The following KCNB2 variants were observed in gnomAD, a reference collection of about 807,000 sequenced individuals.
KCNB2 encodes the protein potassium voltage-gated channel subfamily B member 2, also known as delayed rectifier potassium channel protein.
KCNB2 carries 15 observed loss-of-function variants against 61.5 expected under a neutral mutation model. That is an observed-to-expected ratio of 0.24 (90% CI 0.16 to 0.38). KCNB2 has a LOEUF of 0.38. Ranked by LOEUF, KCNB2 falls within the 10% of genes least tolerant of loss-of-function variation. KCNB2 has a pLI of 1.00. For synonymous variants in KCNB2, 457 were observed against 446.0 expected, an observed-to-expected ratio of 1.02 and a Z score of -0.31; for missense variants, 828 against 1,125.2, an observed-to-expected ratio of 0.74 and a Z score of 3.78.
intron 2 of KCNB2, among the ~76,000 whole-genome samples, chr8:72,823,941 A>G (rs934157176): frequency 2.0e-5 from 3 of 152,172 alleles, no homozygotes; most frequent in Non-Finnish European, 4.4e-5. Flanking sequence ...TGGGAGCCCC[A>G]TCTTGTAGCT....
intron 2 of KCNB2, among the ~76,000 whole-genome samples, chr8:72,572,018 T>C (rs934937345): frequency 5.9e-5 from 9 of 152,176 alleles, no homozygotes; most frequent in Non-Finnish European, 1.3e-4. Context: ...AAAAGCATAT[T>C]TGAGAAATGG....
chr8:72,823,599 C>G (rs1451763010), intron 2 of KCNB2, among the ~76,000 whole-genome samples: 1 of 152,178 alleles, frequency 6.6e-6, no homozygotes, highest in Non-Finnish European at 1.5e-5. Flanking sequence ...GTTGTTGAAA[C>G]TAAATTCTCA....
In KCNB2 at chr8:72,646,894, AT is replaced by A. The variant is rs888723082; in HGVS notation, c.579+78589del. ...TGAGAATACGTGTTTATGAGAAAGC[AT>A]TTTTTTTGTGCTGAAATCCTCTAAG... On this transcript the variant is annotated intron_variant, in intron 2 of 2. Transcript: ENST00000523207. Among the ~76,000 whole-genome samples, 117 of 152,108 alleles carry A rather than the reference AT, an allele frequency of 7.7e-4. 1 individual carries two copies. Among genetic ancestry groups the A allele is most frequent in the African/African-American group, 2.7e-3 (113 of 41,470 alleles).
chr8:72,888,191 C>T (rs1805837513), intron 2 of KCNB2, among the ~76,000 whole-genome samples: 1 of 152,156 alleles, frequency 6.6e-6, no homozygotes, highest in Admixed American at 6.5e-5. Flanking sequence ...AAGCCTCGAC[C>T]TCCTGGCCTC....
At chr8:72,814,954 T>A (rs1413062382) in intron 2 of KCNB2, among the ~76,000 whole-genome samples, 1 of 152,138 alleles carries the variant, frequency 6.6e-6, no homozygotes, top group African/African-American at 2.4e-5. Flanking sequence ...AATACAGTTA[T>A]TAAAGAGAAA....
At chr8:72,558,600 A>T (rs562568548) in intron 1 of KCNB2, among the ~76,000 whole-genome samples, 68 of 152,318 alleles carry the variant, frequency 4.5e-4, no homozygotes, top group African/African-American at 1.4e-3. Flanking sequence ...AATTTTAAAT[A>T]AATAAGGAAG....
chr8:72,732,765 A>C (rs1018588980), intron 2 of KCNB2, among the ~76,000 whole-genome samples: 2 of 152,184 alleles, frequency 1.3e-5, no homozygotes, highest in African/African-American at 4.8e-5. Context: ...ATTAAAAATA[A>C]GATGTGTAAG....
chr8:72,674,892 T>C (rs554964314), intron 2 of KCNB2, among the ~76,000 whole-genome samples: 1 of 152,176 alleles, frequency 6.6e-6, no homozygotes, highest in African/African-American at 2.4e-5. Context: ...ATACCAACTA[T>C]ATAGTGATAA....
At chr8:72,633,698 G>T (rs1002185631) in intron 2 of KCNB2, among the ~76,000 whole-genome samples, 8 of 152,084 alleles carry the variant, frequency 5.3e-5, no homozygotes, top group African/African-American at 9.7e-5. Context: ...TGCAGAGTTG[G>T]CATTTCAAGT....
intron 2 of KCNB2, among the ~76,000 whole-genome samples, chr8:72,887,535 G>A (rs143386791): frequency 6.2e-4 from 95 of 152,284 alleles, no homozygotes; most frequent in African/African-American, 2.2e-3. Flanking sequence ...GACAGGAAGA[G>A]GGCTTCTGAC....
intron 2 of KCNB2, among the ~76,000 whole-genome samples, chr8:72,685,611 A>G (rs1022096014): frequency 3.3e-5 from 5 of 152,168 alleles, no homozygotes; most frequent in African/African-American, 1.2e-4. Context: ...GTAACATAGA[A>G]GAGGAATGTT....
At chr8:72,603,987 T>C (rs1308322407) in intron 2 of KCNB2, among the ~76,000 whole-genome samples, 1 of 152,124 alleles carries the variant, frequency 6.6e-6, no homozygotes, top group Non-Finnish European at 1.5e-5. Context: ...AGAGAAAGCT[T>C]GGCCCTGCTG....
intron 1 of KCNB2, among the ~76,000 whole-genome samples, chr8:72,543,535 A>G (rs349355): frequency 0.87 from 133,204 of 152,262 alleles, 58,616 homozygotes; most frequent in African/African-American, 0.96. Flanking sequence ...TAATGAATCA[A>G]TTAACAGGAG....
chr8:72,552,873 T>C (rs1408282893), intron 1 of KCNB2, among the ~76,000 whole-genome samples: 4 of 149,316 alleles, frequency 2.7e-5, no homozygotes, highest in Non-Finnish European at 5.9e-5. Flanking sequence ...CCAGGCAGGA[T>C]TTTTTTTTTG....
At chr8:72,798,044 C>A (rs1809058870) in intron 2 of KCNB2, among the ~76,000 whole-genome samples, 1 of 152,152 alleles carries the variant, frequency 6.6e-6, no homozygotes, top group East Asian at 1.9e-4. Flanking sequence ...TGAACTCTTT[C>A]CTTCAAAGTA....
chr8:72,781,738 T>C (rs561253853), intron 2 of KCNB2, among the ~76,000 whole-genome samples: 1 of 152,284 alleles, frequency 6.6e-6, no homozygotes, highest in South Asian at 2.1e-4. Context: ...TTTTTTCTAA[T>C]TTTGTGATGA....
intron 2 of KCNB2, among the ~76,000 whole-genome samples, chr8:72,725,553 A>ATATG (rs1807624727): frequency 1.6e-5 from 1 of 62,290 alleles, no homozygotes; most frequent in Non-Finnish European, 3.7e-5. Flanking sequence ...GTGTATATAT[A>ATATG]TATGTATATA....
intron 2 of KCNB2, among the ~76,000 whole-genome samples, chr8:72,725,277 A>G (rs1807613806): frequency 6.6e-6 from 1 of 151,846 alleles, no homozygotes; most frequent in African/African-American, 2.4e-5. Context: ...AATGAAAGAT[A>G]TTTCTATCAT....
At chr8:72,818,127 G>A (rs1809433728) in intron 2 of KCNB2, among the ~76,000 whole-genome samples, 1 of 152,016 alleles carries the variant, frequency 6.6e-6, no homozygotes, top group Non-Finnish European at 1.5e-5. Context: ...AAAAAATCCT[G>A]CAATGGTTCT....
Sources: gnomAD v4.1 joint callset for allele counts (sites outside exome capture counted in the v4.1 genomes callset) on GRCh38, gnomAD v4.1.1 for gene constraint, MANE v1.5 for transcripts, NCBI Gene and HGNC (gene_info 2026-07-23, HGNC 2026-07-21) for gene names.